Variants in AKAP12 observed in about 807,000 individuals in gnomAD.
AKAP12 encodes the protein A-kinase anchoring protein 12.
In AKAP12, 32 loss-of-function variants were observed where a neutral mutation model predicts 79.9. That is an observed-to-expected ratio of 0.40 (90% CI 0.30 to 0.54). The LOEUF (loss-of-function observed/expected upper bound fraction) is 0.54, where lower values mean the gene tolerates loss of function less well. Among genes scored for constraint, AKAP12 ranks in the 20% least tolerant of loss-of-function variants. The probability of loss-of-function intolerance (pLI) is 0.48; values close to 1 mark genes in which losing one functional copy is unlikely to be tolerated. For synonymous variants in AKAP12, 808 were observed against 857.0 expected, an observed-to-expected ratio of 0.94 and a Z score of 1.00; for missense variants, 2,074 against 2,177.0, an observed-to-expected ratio of 0.95 and a Z score of 0.94.
In AKAP12 at chr6:151,349,960, T is replaced by C. The variant is rs757508181; in HGVS notation, c.1569T>C (p.Thr523=). The change falls in exon 4 of 5, where the codon ACT becomes ACC. Residue 523 remains threonine (T), a synonymous_variant. Coordinates refer to ENST00000402676, the MANE Select transcript of AKAP12 (RefSeq NM_005100.4). The part of the protein sequence containing the change: ...GSPLKKLFTS[T]GLKKLSGKKQ... ...CACTAAAGAAGCTTTTTACCAGCAC[T>C]GGCTTAAAAAAGCTTTCTGGAAAGA... 1 of 1,613,992 alleles carries C rather than the reference T, an allele frequency of 6.2e-7. No homozygotes were observed.
rs890397555 is a variant in AKAP12 at position 151,356,773 on chromosome 6, T to G, written c.*1059T>G. The G allele has an allele frequency of 1.3e-5, 2 of 152,250 alleles. No individual in the cohort carries two copies. The highest frequency in any genetic ancestry group is 2.4e-5 in the African/African-American group (1 of 41,456). The allele number at this position is 152,250 out of a possible 1,614,324, so 9.4% of individuals were successfully genotyped here. A position where few individuals can be genotyped will look rare whatever the true frequency, so the allele number is the denominator to read the frequency against. On this transcript the variant is annotated 3_prime_UTR_variant, in exon 5 of 5. Transcript: ENST00000402676. ...ATTTAAATAAAATATTTGCTTCACTTAGATTTGCTGGTTTTATTAGATACC... is the reference window on the plus strand; with the variant it reads ...ATTTAAATAAAATATTTGCTTCACTGAGATTTGCTGGTTTTATTAGATACC...
intron 2 of AKAP12, among the ~76,000 whole-genome samples, chr6:151,302,477 G>T (rs552616449): frequency 6.6e-6 from 1 of 152,120 alleles, no homozygotes; most frequent in African/African-American, 2.4e-5. Flanking sequence ...TTCTAAAAGA[G>T]TAGACGGAAA....
intron 2 of AKAP12, among the ~76,000 whole-genome samples, chr6:151,247,270 G>A (rs569724657): frequency 2.6e-5 from 4 of 152,142 alleles, no homozygotes; most frequent in South Asian, 2.1e-4. Flanking sequence ...GTGCGGTGAC[G>A]TGTACCTGTA....
intron 3 of AKAP12, among the ~76,000 whole-genome samples, chr6:151,340,577 A>G (rs1038707568): frequency 2.0e-5 from 3 of 151,442 alleles, no homozygotes; most frequent in African/African-American, 7.2e-5. Context: ...CTTCTAGCCC[A>G]TAAGGCTCTG....
chr6:151,265,687 A>AG (rs1797538829), intron 2 of AKAP12, among the ~76,000 whole-genome samples: 1 of 152,248 alleles, frequency 6.6e-6, no homozygotes, highest in African/African-American at 2.4e-5. Context: ...AATGCTTGTT[A>AG]AAAATCTAAC....
chr6:151,349,098 C>T lies in AKAP12; in HGVS notation c.707C>T (p.Thr236Ile), dbSNP rs762818865. ...ASKESEPKQSTEKPEETLKRE... is the reference protein window; with the variant it reads ...ASKESEPKQSIEKPEETLKRE... ...AAAGAAAGCGAACCCAAACAATCTA[C>T]AGAGAAACCCGAAGAGACCCTGAAG... Residue 236 changes from threonine (T) to isoleucine (I), a missense_variant, in exon 4 of 5, where the codon ACA becomes ATA. Coordinates refer to ENST00000402676, the MANE Select transcript of AKAP12 (RefSeq NM_005100.4). The T allele has an allele frequency of 2.5e-6, 4 of 1,612,474 alleles. No homozygotes were observed. The highest frequency in any genetic ancestry group is 2.2e-5 in the South Asian group (2 of 91,008).
intron 2 of AKAP12, among the ~76,000 whole-genome samples, chr6:151,244,593 C>T (rs1274523928): frequency 6.6e-6 from 1 of 152,138 alleles, no homozygotes; most frequent in South Asian, 2.1e-4. Context: ...TAATTCCTCC[C>T]ATAAGCTTCC....
chr6:151,324,945 GT>G (rs1244715454), intron 3 of AKAP12: 1 of 985,262 alleles, frequency 1.0e-6, no homozygotes, highest in Non-Finnish European at 1.2e-6. Context: ...AGATATGATA[GT>G]GTCTAAAAAT....
intron 2 of AKAP12, among the ~76,000 whole-genome samples, chr6:151,241,478 G>A (rs1796975296): frequency 1.3e-5 from 2 of 152,334 alleles, no homozygotes; most frequent in South Asian, 4.1e-4. Context: ...TCAAAGGATG[G>A]GGTCAGTGTA....
intron 3 of AKAP12, among the ~76,000 whole-genome samples, chr6:151,314,253 C>T (rs748658402): frequency 3.3e-5 from 5 of 152,102 alleles, no homozygotes; most frequent in East Asian, 1.9e-4. Flanking sequence ...GTCTCAAACT[C>T]GTAACCTCAA....
chr6:151,261,298 G>C (rs1296091230), intron 2 of AKAP12, among the ~76,000 whole-genome samples: 4 of 151,962 alleles, frequency 2.6e-5, no homozygotes, highest in African/African-American at 9.7e-5. Flanking sequence ...TTTGAACCGG[G>C]AGGCAGAGGT....
intron 3 of AKAP12, among the ~76,000 whole-genome samples, chr6:151,334,594 C>G (rs184212111): frequency 0.015 from 2,101 of 143,560 alleles, 54 homozygotes; most frequent in African/African-American, 0.05. Context: ...GACTCCGTCT[C>G]AAAAAAATAA....
Position 151,275,840 on chromosome 6 carries a change from G to A in AKAP12, c.163-29907G>A, listed in dbSNP as rs570472400. Among the ~76,000 whole-genome samples the A allele has an allele frequency of 1.3e-4, 20 of 152,280 alleles. No homozygotes were observed. The South Asian group carries it at 3.5e-3, about 27-fold the overall frequency. On this transcript the variant is annotated intron_variant, in intron 2 of 4. Transcript: ENST00000402676. ...TCCAGTGTGGGATTGCAGAAAGGCT[G>A]TTTTTATGCTTATTTTTGTTGAATG...
intron 2 of AKAP12, among the ~76,000 whole-genome samples, chr6:151,295,496 C>G (rs1776705686): frequency 1.3e-5 from 2 of 152,186 alleles, no homozygotes; most frequent in Admixed American, 6.5e-5. Context: ...CCTCACCAAG[C>G]AGCACTCCTG....
At chr6:151,312,663 G>A (rs929188584) in intron 3 of AKAP12, among the ~76,000 whole-genome samples, 2 of 151,904 alleles carry the variant, frequency 1.3e-5, no homozygotes, top group Non-Finnish European at 2.9e-5. Flanking sequence ...GTGGTGGCGG[G>A]CGCCTGTAGT....
intron 3 of AKAP12, among the ~76,000 whole-genome samples, chr6:151,321,981 T>G (rs976522610): frequency 1.3e-5 from 2 of 148,674 alleles, no homozygotes; most frequent in Admixed American, 6.7e-5. Context: ...CGATACCATC[T>G]TACTGCAACC....
intron 3 of AKAP12, among the ~76,000 whole-genome samples, chr6:151,311,110 G>A (rs1334928304): frequency 6.6e-6 from 1 of 152,170 alleles, no homozygotes; most frequent in Non-Finnish European, 1.5e-5. Flanking sequence ...TAAGACTAGA[G>A]GCATGTGCCA....
chr6:151,311,434 C>T (rs1777096235), intron 3 of AKAP12, among the ~76,000 whole-genome samples: 1 of 152,212 alleles, frequency 6.6e-6, no homozygotes, highest in Admixed American at 6.5e-5. Flanking sequence ...GGCCTTGTTA[C>T]ACTAATCAGA....
chr6:151,342,527 C>T (rs767580344), intron 3 of AKAP12, among the ~76,000 whole-genome samples: 17 of 152,178 alleles, frequency 1.1e-4, no homozygotes, highest in Non-Finnish European at 2.2e-4. Flanking sequence ...TGCCCCAGCA[C>T]AGAGGGTACG....
Sources: allele counts gnomAD v4.1 joint callset (sites outside exome capture counted in the v4.1 genomes callset), GRCh38; gene constraint gnomAD v4.1.1; transcripts MANE v1.5; gene names NCBI Gene and HGNC (gene_info 2026-07-23, HGNC 2026-07-21).